The following OR10D3 variants were observed in gnomAD, a reference collection of about 807,000 sequenced individuals.
OR10D3 encodes olfactory receptor family 10 subfamily D member 3, also known as olfactory receptor 10D3.
For synonymous variants in OR10D3, 100 were observed against 57.6 expected, an observed-to-expected ratio of 1.74 and a Z score of -3.33; for missense variants, 286 against 153.7, an observed-to-expected ratio of 1.86 and a Z score of -4.55.
chr11:124,186,243 T>G (rs1053612713), exon 2 of OR10D3: 2 of 641,086 alleles, frequency 3.1e-6, no homozygotes, highest in Admixed American at 2.4e-5. Flanking sequence ...GCTCTGGAAT[T>G]CCTTTTGCTT....
exon 2 of OR10D3, chr11:124,185,739 G>A: frequency 1.4e-6 from 1 of 703,640 alleles, no homozygotes; most frequent in Non-Finnish European, 2.6e-6. Flanking sequence ...ATTCATTCCA[G>A]TATCTTGACC....
At chr11:124,185,798 T>G in exon 2 of OR10D3, 1 of 703,710 alleles carries the variant, frequency 1.4e-6, no homozygotes, top group Non-Finnish European at 2.6e-6. Flanking sequence ...AGTGGATCAC[T>G]TCTTCTGTGA....
At chr11:124,184,367 A>G (rs1015905516) in intron 1 of OR10D3, 1 of 152,204 alleles carries the variant, frequency 6.6e-6, no homozygotes, top group Non-Finnish European at 1.5e-5. Context: ...TCGTAAACAC[A>G]AAAAATATTT....
Position 124,186,454 on chromosome 11 carries a change from A to G in OR10D3, c.*246A>G, listed in dbSNP as rs185610032. ...TTTATTGTTACTTTGCCTTTCTTCT[A>G]TAGAGAATTGCCTGTCCCTGGAAGG... is the stretch of plus-strand genomic sequence containing the variant. On this transcript the variant is annotated 3_prime_UTR_variant, in exon 2 of 2. Coordinates refer to ENST00000641351, the Ensembl canonical transcript of OR10D3. The G allele has an allele frequency of 1.1e-3, 328 of 302,802 alleles. 2 individuals are homozygous for G. Among genetic ancestry groups the G allele is most frequent in the African/African-American group, 6.8e-3 (312 of 45,662 alleles). 18.8% of individuals were successfully genotyped at this position (302,802 alleles called of 1,614,324 possible). A position where few individuals can be genotyped will look rare whatever the true frequency, so the allele number is the denominator to read the frequency against.
exon 2 of OR10D3, chr11:124,185,603 T>A (rs1231410358): frequency 1.1e-5 from 8 of 703,574 alleles, no homozygotes; most frequent in Non-Finnish European, 2.6e-6. Context: ...GAGCATTGAG[T>A]GCTTCTTGTT....
At chr11:124,184,602 A>G (rs995973041) in intron 1 of OR10D3, among the ~76,000 whole-genome samples, 1 of 151,604 alleles carries the variant, frequency 6.6e-6, no homozygotes, top group East Asian at 1.9e-4. Context: ...GTTTAAAAAG[A>G]AAAAAAAAGA....
At chr11:124,184,945 G>C (rs1490909148) in intron 1 of OR10D3, among the ~76,000 whole-genome samples, 2 of 152,200 alleles carry the variant, frequency 1.3e-5, no homozygotes, top group African/African-American at 4.8e-5. Context: ...CCCGGGAGGA[G>C]GAGCATGTGT....
At chr11:124,186,846 T>C (rs1274794562) in exon 2 of OR10D3, 1 of 152,152 alleles carries the variant, frequency 6.6e-6, no homozygotes, top group East Asian at 1.9e-4. Flanking sequence ...TATATTAGAT[T>C]TGGGTCTGTT....
At chr11:124,187,154 G>A (rs1482286603) in exon 2 of OR10D3, 4 of 152,056 alleles carry the variant, frequency 2.6e-5, no homozygotes, top group Admixed American at 1.3e-4. Flanking sequence ...TGTATCTTTT[G>A]TTTCTACCCA....
exon 2 of OR10D3, chr11:124,186,456 A>G (rs1861227094): frequency 3.4e-6 from 1 of 295,522 alleles, no homozygotes. Flanking sequence ...TTTCTTCTAT[A>G]GAGAATTGCC....
chr11:124,186,068 A>G lies in OR10D3; in HGVS notation c.799A>G (p.Met267Val), dbSNP rs973648738. The G allele has an allele frequency of 1.0e-5, 7 of 703,204 alleles. No homozygotes were observed. In the African/African-American group the frequency reaches 1.2e-4, roughly 12 times the overall value. 43.6% of individuals were successfully genotyped at this position (703,204 alleles called of 1,614,324 possible). A position where few individuals can be genotyped will look rare whatever the true frequency, so the allele number is the denominator to read the frequency against. Residue 267 changes from methionine to valine, a missense_variant, in exon 2 of 2, where the codon ATG (methionine) becomes GTG (valine). Physicochemically the swap from Met to Val is conservative, Grantham distance 21 (BLOSUM62 1). Coordinates refer to ENST00000641351, the Ensembl canonical transcript of OR10D3. ...CTACCTGCAGCCCACACCCAACCCCATGCTGGGAACCGTGGTACAAATTCT... is the reference window on the plus strand; with the variant it reads ...CTACCTGCAGCCCACACCCAACCCCGTGCTGGGAACCGTGGTACAAATTCT...
At chr11:124,188,568 C>G (rs1249203078) in exon 2 of OR10D3, 1 of 152,222 alleles carries the variant, frequency 6.6e-6, no homozygotes. Context: ...GCTCACAATC[C>G]TCTCTCTGAG....
rs1015574753 is a variant in OR10D3 at position 124,185,558 on chromosome 11, T to C, written c.289T>C (p.Cys97Arg). 4 of 703,394 alleles carry C rather than the reference T, an allele frequency of 5.7e-6. No homozygotes were observed. The Admixed American group carries it at 8.0e-5, about 14-fold the overall frequency. The allele number at this position is 703,394 out of a possible 1,614,324, so 43.6% of individuals were successfully genotyped here. A position where few individuals can be genotyped will look rare whatever the true frequency, so the allele number is the denominator to read the frequency against. Residue 97 changes from cysteine (C) to arginine (R), a missense_variant, in exon 2 of 2, where the codon TGT (cysteine) becomes CGT (arginine). By Grantham distance (180) the Cys-to-Arg change is radical. Coordinates refer to ENST00000641351, the Ensembl canonical transcript of OR10D3. The stretch of plus-strand genomic sequence containing the variant: ...GAGCCGACTCATCTCCTACAAAGAC[T>C]GTGTCTGCCAGCTTTTCTTCTTCCA...
At chr11:124,186,515 T>TTTTG (rs1555044509) in exon 2 of OR10D3, 2 of 209,886 alleles carry the variant, frequency 9.5e-6, no homozygotes, top group African/African-American at 4.6e-5. Context: ...TTTTTTTTTT[T>TTTTG]GCATCACTTT....
intron 1 of OR10D3, 174 bp from the exon 2 acceptor site, chr11:124,185,085 G>A (rs1458392388): frequency 1.8e-6 from 1 of 569,288 alleles, no homozygotes; most frequent in South Asian, 2.4e-5. Context: ...GTTGGCTATG[G>A]CGGTTACATT....
chr11:124,185,954 C>A lies in OR10D3; in HGVS notation c.685C>A (p.Arg229Ser), dbSNP rs529117517. Residue 229 changes from arginine (R) to serine (S), a missense_variant, in exon 2 of 2, where the codon CGT becomes AGT. Arg to Ser is a moderately radical substitution (Grantham distance 110). Coordinates refer to ENST00000641351, the Ensembl canonical transcript of OR10D3. ...AATCACAATATCTATCTTAAGCATT[C>A]GTACAACTGAGGGCCGTCGCCGTGC... 6.3e-5 allele frequency: 44 copies of A among 703,258 alleles called. No individual in the cohort carries two copies. The African/African-American group carries it at 6.8e-4, about 11-fold the overall frequency. The allele number at this position is 703,258 out of a possible 1,614,324, so 43.6% of individuals were successfully genotyped here. A position where few individuals can be genotyped will look rare whatever the true frequency, so the allele number is the denominator to read the frequency against.
chr11:124,187,201 T>G (rs1307689180), exon 2 of OR10D3: 1 of 152,234 alleles, frequency 6.6e-6, no homozygotes, highest in Non-Finnish European at 1.5e-5. Context: ...CTTTAACACC[T>G]GAACCTCACC....
exon 2 of OR10D3, chr11:124,187,636 T>G (rs1861240412): frequency 6.6e-6 from 1 of 152,228 alleles, no homozygotes; most frequent in South Asian, 2.1e-4. Context: ...TTTTTATCCC[T>G]TTTCAAAAAC....
chr11:124,183,756 G>A (rs1171102493), intron 1 of OR10D3, among the ~76,000 whole-genome samples: 1 of 152,072 alleles, frequency 6.6e-6, no homozygotes, highest in East Asian at 1.9e-4. Context: ...CAATGGAGAG[G>A]AAAATTTGGA....
Sources: gnomAD v4.1 joint callset for allele counts (sites outside exome capture counted in the v4.1 genomes callset) on GRCh38, gnomAD v4.1.1 for gene constraint, MANE v1.5 for transcripts, NCBI Gene and HGNC (gene_info 2026-07-23, HGNC 2026-07-21) for gene names.